The following C6 variants were observed in gnomAD, a reference collection of about 807,000 sequenced individuals.
The protein encoded by C6 is complement component C6.
In C6, 101 loss-of-function variants were observed where a neutral mutation model predicts 112.9. The ratio of observed to expected loss-of-function variants is 0.89; its 90% CI spans 0.76 to 1.06. The LOEUF (loss-of-function observed/expected upper bound fraction) is 1.06, where lower values mean the gene tolerates loss of function less well. Among genes scored for constraint, C6 ranks in the 50% least tolerant of loss-of-function variants. The probability of loss-of-function intolerance (pLI) is 0.00; values close to 1 mark genes in which losing one functional copy is unlikely to be tolerated. For synonymous variants in C6, 431 were observed against 384.1 expected (o/e 1.12, Z -1.43); for missense variants, 1,202 against 1,104.6 (o/e 1.09, Z -1.25).
At chr5:41,225,861 C>T (rs1466836706) in intron 1 of C6, among the ~76,000 whole-genome samples, 1 of 152,128 alleles carries the variant, frequency 6.6e-6, no homozygotes, top group Non-Finnish European at 1.5e-5. Context: ...AAAGGATTCC[C>T]TATTTAATAA....
Position 41,201,599 on chromosome 5 carries a change from A to C in C6, c.259T>G (p.Phe87Val). 1 of 1,613,656 alleles carries C rather than the reference A, an allele frequency of 6.2e-7. No individual in the cohort carries two copies. The highest frequency in any genetic ancestry group is 1.1e-5 in the South Asian group (1 of 91,068). The part of the protein sequence containing the change: ...RCPINCLLGD[F>V]GPWSDCDPCI... ...GGGTCACAGTCTGACCATGGTCCAAAATCTCCCAGGAGGCAGTTGATGGGG... is the reference window on the plus strand; with the variant it reads ...GGGTCACAGTCTGACCATGGTCCAACATCTCCCAGGAGGCAGTTGATGGGG... Residue 87 changes from phenylalanine (F) to valine (V), a missense_variant, in exon 3 of 18, where the codon TTT (phenylalanine) becomes GTT (valine). By Grantham distance (50) the Phe-to-Val change is conservative (BLOSUM62 -1). Transcript: ENST00000337836.
intron 9 of C6, among the ~76,000 whole-genome samples, chr5:41,167,351 A>G (rs987711663): frequency 6.6e-6 from 1 of 152,170 alleles, no homozygotes; most frequent in Non-Finnish European, 1.5e-5. Context: ...AGAATTTACA[A>G]CATCAACCAC....
At chr5:41,150,210 CAT>C (rs1291374083) in intron 15 of C6, among the ~76,000 whole-genome samples, 185 bp from the exon 16 acceptor site, 5 of 152,146 alleles carry the variant, frequency 3.3e-5, no homozygotes, top group South Asian at 2.1e-4. Flanking sequence ...TTCCAGTGCA[CAT>C]GAGGTGTCAT....
intron 1 of C6, among the ~76,000 whole-genome samples, chr5:41,238,546 C>A (rs533037830): frequency 8.5e-4 from 130 of 152,178 alleles, no homozygotes; most frequent in African/African-American, 2.8e-3. Context: ...AACCCTTAGA[C>A]CACTGGAGAA....
At chr5:41,239,239 T>C (rs188655891) in intron 1 of C6, among the ~76,000 whole-genome samples, 35 of 150,834 alleles carry the variant, frequency 2.3e-4, no homozygotes, top group Middle Eastern at 3.5e-3. Flanking sequence ...AGCCTCCCCA[T>C]GAGCTGGGGT....
intron 6 of C6, among the ~76,000 whole-genome samples, chr5:41,182,492 T>G (rs1363882173): frequency 6.6e-6 from 1 of 152,198 alleles, no homozygotes; most frequent in Non-Finnish European, 1.5e-5. Context: ...GTAGTTATTC[T>G]AAGGTCTTCT....
At chr5:41,146,537 A>G (rs1319717461) in intron 17 of C6, among the ~76,000 whole-genome samples, 1 of 152,224 alleles carries the variant, frequency 6.6e-6, no homozygotes, top group Non-Finnish European at 1.5e-5. Context: ...TAATCCAAAC[A>G]GAACCCTCTG....
chr5:41,229,264 AGTTT>A (rs376582685), intron 1 of C6, among the ~76,000 whole-genome samples: 2 of 145,912 alleles, frequency 1.4e-5, no homozygotes, highest in African/African-American at 5.0e-5. Context: ...CTTGAGGTGG[AGTTT>A]GTTTATGTGT....
chr5:41,191,023 A>G (rs1750155891), intron 5 of C6, among the ~76,000 whole-genome samples: 1 of 147,336 alleles, frequency 6.8e-6, no homozygotes, highest in Non-Finnish European at 1.5e-5. Context: ...CATGTAACAC[A>G]TGTAACATGT....
At chr5:41,191,530 T>G (rs1750213870) in intron 5 of C6, among the ~76,000 whole-genome samples, 1 of 152,232 alleles carries the variant, frequency 6.6e-6, no homozygotes, top group African/African-American at 2.4e-5. Context: ...AATAGTAATA[T>G]TCCAATCCAT....
At chr5:41,199,052 T>C (rs1392934493) in intron 4 of C6, among the ~76,000 whole-genome samples, 1 of 152,128 alleles carries the variant, frequency 6.6e-6, no homozygotes, top group African/African-American at 2.4e-5. Flanking sequence ...AGCATTCCTG[T>C]CTGACATTCA....
chr5:41,171,742 G>A (rs1748438270), intron 9 of C6, among the ~76,000 whole-genome samples: 1 of 152,104 alleles, frequency 6.6e-6, no homozygotes, highest in Non-Finnish European at 1.5e-5. Context: ...ATTTGCCAAA[G>A]TCTTCAGCCA....
intron 1 of C6, among the ~76,000 whole-genome samples, chr5:41,254,418 A>C (rs991859172): frequency 6.6e-6 from 1 of 152,170 alleles, no homozygotes. Flanking sequence ...AAAAAGAAAG[A>C]GAAAGAATAG....
intron 2 of C6, among the ~76,000 whole-genome samples, chr5:41,201,927 A>G (rs550663884): frequency 3.3e-5 from 5 of 152,096 alleles, no homozygotes; most frequent in African/African-American, 9.6e-5. Flanking sequence ...AAAATGGGAA[A>G]CCTCTTGCTC....
chr5:41,142,721 T>G lies in C6; in HGVS notation c.*104A>C. On this transcript the variant is annotated 3_prime_UTR_variant, in exon 18 of 18. Transcript: ENST00000337836. Reference sequence around the variant, plus strand: ...ACAGAAAATAATTTTTGTCAGTAACTTTGAGCATGCCAGTCTGCTGTTTGT... The same window carrying G: ...ACAGAAAATAATTTTTGTCAGTAACGTTGAGCATGCCAGTCTGCTGTTTGT... 1 of 913,974 alleles carries G rather than the reference T, an allele frequency of 1.1e-6. No homozygotes were observed. Among genetic ancestry groups the G allele is most frequent in the Admixed American group, 1.7e-5 (1 of 57,418 alleles). 56.6% of individuals were successfully genotyped at this position (913,974 alleles called of 1,614,324 possible). A position where few individuals can be genotyped will look rare whatever the true frequency, so the allele number is the denominator to read the frequency against.
intron 1 of C6, among the ~76,000 whole-genome samples, chr5:41,249,991 T>C (rs144796199): frequency 0.013 from 1,920 of 152,330 alleles, 45 homozygotes; most frequent in African/African-American, 0.044. Flanking sequence ...GATAATTATA[T>C]GCTCCAAATT....
At chr5:41,193,418 T>C (rs983775384) in intron 5 of C6, among the ~76,000 whole-genome samples, 9 of 152,268 alleles carry the variant, frequency 5.9e-5, no homozygotes, top group African/African-American at 1.9e-4. Context: ...GTGTTTCACA[T>C]ACAGCATTGT....
rs1329836511 is a variant in C6 at position 41,203,124 on chromosome 5, G to T, written c.107C>A (p.Ser36Ter). ...HYAWTQWTSC[S>*]KTCNSGTQSR... The stretch of plus-strand genomic sequence containing the variant: ...CTGGGTTCCAGAATTGCAAGTTTTT[G>T]AGCAGCTGGTCCACTGAGTCCATGC... The change falls in exon 2 of 18, where the codon TCA becomes TAA. Residue 36 changes from serine to a stop codon, truncating the protein, a stop_gained. Coordinates refer to ENST00000337836, the MANE Select transcript of C6 (RefSeq NM_000065.5). LOFTEE classifies it high-confidence loss of function. 1 of 1,614,058 alleles carries T rather than the reference G, an allele frequency of 6.2e-7. No individual in the cohort carries two copies. Among genetic ancestry groups the T allele is most frequent in the Admixed American group, 1.7e-5 (1 of 60,012 alleles).
Position 41,155,009 on chromosome 5 carries a change from T to G in C6, c.2064A>C (p.Pro688=), listed in dbSNP as rs1746761059. 6.2e-7 allele frequency: 1 copy of G among 1,613,848 alleles called. No individual in the cohort carries two copies. The change falls in exon 14 of 18, where the codon CCA becomes CCC. Residue 688 remains proline, a synonymous_variant. Coordinates refer to ENST00000337836, the MANE Select transcript of C6 (RefSeq NM_000065.5). The part of the protein sequence containing the change: ...TVGYQYFRCL[P]DGTWRQGDVE... ...CATCCCCTTGTCTCCAGGTCCCGTC[T>G]GGTAAGCATCTGAAGTACTGGTATC...
Sources: gnomAD v4.1 joint callset for allele counts (sites outside exome capture counted in the v4.1 genomes callset) on GRCh38, gnomAD v4.1.1 for gene constraint, MANE v1.5 for transcripts, NCBI Gene and HGNC (gene_info 2026-07-23, HGNC 2026-07-21) for gene names.